The following GRIK4 variants were observed in gnomAD, a reference collection of about 807,000 sequenced individuals.
The protein encoded by GRIK4 is glutamate receptor ionotropic, kainate 4.
A neutral mutation model predicts 104.9 loss-of-function variants in GRIK4; 40 were observed. The ratio of observed to expected loss-of-function variants is 0.38; its 90% CI spans 0.30 to 0.50. The LOEUF is 0.50. GRIK4 is among the 20% of genes least tolerant of loss of function. GRIK4 has a pLI of 0.93. For missense variants in GRIK4, 1,047 were observed against 1,308.1 expected (o/e 0.80, Z 3.08); for synonymous variants, 485 against 524.9 (o/e 0.92, Z 1.04).
chr11:120,659,557 T>A (rs547693023), intron 2 of GRIK4, among the ~76,000 whole-genome samples: 1 of 152,304 alleles, frequency 6.6e-6, no homozygotes, highest in African/African-American at 2.4e-5. Flanking sequence ...AGAGGGGACC[T>A]TGTGAAGGCC....
chr11:120,929,023 A>ATGTGTG (rs71050760), intron 13 of GRIK4, among the ~76,000 whole-genome samples: 20 of 89,588 alleles, frequency 2.2e-4, no homozygotes, highest in African/African-American at 6.9e-4. Flanking sequence ...GTGTGCGCAC[A>ATGTGTG]TGTGTGTGTG....
At chr11:120,802,530 G>A (rs1471016996) in intron 3 of GRIK4, among the ~76,000 whole-genome samples, 163 bp from the exon 4 acceptor site, 1 of 152,188 alleles carries the variant, frequency 6.6e-6, no homozygotes, top group Non-Finnish European at 1.5e-5. Flanking sequence ...CCTTAAGCTT[G>A]GAGAGAACTT....
intron 1 of GRIK4, among the ~76,000 whole-genome samples, chr11:120,604,085 T>C (rs1435258382): frequency 1.4e-5 from 2 of 139,204 alleles, no homozygotes; most frequent in Non-Finnish European, 3.0e-5. Flanking sequence ...GGCAGGAGAA[T>C]GGCATGAACC....
At chr11:120,861,756 AT>A (rs1481242023) in intron 8 of GRIK4, among the ~76,000 whole-genome samples, 4 of 151,326 alleles carry the variant, frequency 2.6e-5, no homozygotes, top group Non-Finnish European at 4.4e-5. Flanking sequence ...TCATTCTGCT[AT>A]TTTTTTTCTC....
intron 3 of GRIK4, among the ~76,000 whole-genome samples, chr11:120,718,710 G>C (rs189041370): frequency 6.6e-6 from 1 of 152,364 alleles, no homozygotes; most frequent in East Asian, 1.9e-4. Flanking sequence ...GTCCAGGGCT[G>C]TGGGTCTGCC....
At chr11:120,531,741 A>G (rs760613280) in intron 1 of GRIK4, among the ~76,000 whole-genome samples, 1 of 151,798 alleles carries the variant, frequency 6.6e-6, no homozygotes, top group Non-Finnish European at 1.5e-5. Context: ...ATGCCCAGCT[A>G]ATTTTTGTAT....
chr11:120,527,082 C>T (rs975420583), intron 1 of GRIK4, among the ~76,000 whole-genome samples: 2 of 152,238 alleles, frequency 1.3e-5, no homozygotes, highest in African/African-American at 4.8e-5. Flanking sequence ...GTCACACAGC[C>T]AGCCCGTGGC....
At chr11:120,643,807 G>A (rs1949503050) in intron 1 of GRIK4, among the ~76,000 whole-genome samples, 1 of 152,182 alleles carries the variant, frequency 6.6e-6, no homozygotes, top group African/African-American at 2.4e-5. Flanking sequence ...CAGCCAGGGT[G>A]TCTAATAACG....
chr11:120,849,705 G>C (rs925191049), intron 8 of GRIK4, among the ~76,000 whole-genome samples: 1 of 152,250 alleles, frequency 6.6e-6, no homozygotes, highest in Non-Finnish European at 1.5e-5. Context: ...AGTGGCAGAT[G>C]TGAGAATCTG....
chr11:120,950,157 T>G (rs563174331), intron 14 of GRIK4, among the ~76,000 whole-genome samples: 1 of 152,346 alleles, frequency 6.6e-6, no homozygotes, highest in South Asian at 2.1e-4. Context: ...AAGCCAAGGC[T>G]GTATAAGCCC....
chr11:120,696,274 C>T (rs1259501230), intron 3 of GRIK4, among the ~76,000 whole-genome samples: 2 of 152,112 alleles, frequency 1.3e-5, no homozygotes, highest in Non-Finnish European at 2.9e-5. Flanking sequence ...GTGTGTCTGT[C>T]CCAGTGGCAA....
At chr11:120,601,393 G>A (rs1948884974) in intron 1 of GRIK4, among the ~76,000 whole-genome samples, 3 of 152,266 alleles carry the variant, frequency 2.0e-5, no homozygotes, top group South Asian at 2.1e-4. Context: ...GCAACAGAGC[G>A]AGACTCCATC....
chr11:120,550,424 C>T (rs1003628212), intron 1 of GRIK4, among the ~76,000 whole-genome samples: 1 of 151,918 alleles, frequency 6.6e-6, no homozygotes, highest in African/African-American at 2.4e-5. Context: ...GAGATGGCGT[C>T]AGCAGTTGGA....
chr11:120,909,282 AGCTTTG>A (rs1465263992), intron 13 of GRIK4, among the ~76,000 whole-genome samples: 1 of 152,216 alleles, frequency 6.6e-6, no homozygotes, highest in African/African-American at 2.4e-5. Context: ...CATAAGGATG[AGCTTTG>A]GCCCCAGGAG....
At chr11:120,716,006 G>T (rs1950825819) in intron 3 of GRIK4, among the ~76,000 whole-genome samples, 2 of 152,130 alleles carry the variant, frequency 1.3e-5, no homozygotes, top group Middle Eastern at 3.2e-3. Flanking sequence ...CAGGAACTGG[G>T]CATGTGGGCA....
chr11:120,956,688 G>A lies in GRIK4; in HGVS notation c.1701-92G>A, dbSNP rs565237226. 14 of 889,186 alleles carry A rather than the reference G, an allele frequency of 1.6e-5. No individual in the cohort carries two copies. The highest frequency in any genetic ancestry group is 2.9e-5 in the East Asian group (1 of 34,602). The allele number at this position is 889,186 out of a possible 1,614,324, so 55.1% of individuals were successfully genotyped here. ...AGTGGCTTGCCCAAGGCCACAGGCC[G>A]GTCTCAGAGGTGAGACCAGCCAGGA... On this transcript the variant is annotated intron_variant, in intron 15 of 20. Transcript: ENST00000527524. This position sits in a 1 kb window ranked among gnomAD's most constrained non-coding sequence, Gnocchi z 4.6.
At chr11:120,614,685 T>C (rs866787866) in intron 1 of GRIK4, among the ~76,000 whole-genome samples, 33 of 152,192 alleles carry the variant, frequency 2.2e-4, no homozygotes, top group African/African-American at 8.0e-4. Flanking sequence ...TGGAAGACAC[T>C]GGCAGTGATC....
chr11:120,702,346 T>A (rs1202114312), intron 3 of GRIK4, among the ~76,000 whole-genome samples: 1 of 152,104 alleles, frequency 6.6e-6, no homozygotes, highest in East Asian at 1.9e-4. Context: ...GTAAGAGGTG[T>A]CTGAGCCGAA....
chr11:120,526,917 C>T (rs892795225), intron 1 of GRIK4, among the ~76,000 whole-genome samples: 2 of 152,168 alleles, frequency 1.3e-5, no homozygotes, highest in African/African-American at 4.8e-5. Flanking sequence ...GGCTAAAGGG[C>T]GGTCACTTGA....
Sources: allele counts gnomAD v4.1 joint callset (sites outside exome capture counted in the v4.1 genomes callset), GRCh38; gene constraint gnomAD v4.1.1; non-coding constraint Gnocchi (gnomAD v3.1); transcripts MANE v1.5; gene names NCBI Gene and HGNC (gene_info 2026-07-23, HGNC 2026-07-21).